Variants in LAMB1 observed in about 807,000 individuals in gnomAD.
The protein encoded by LAMB1 is laminin subunit beta-1.
Under a neutral mutation model 222.3 loss-of-function variants are expected in LAMB1, and 121 were observed. The observed-to-expected ratio is 0.54, with a 90% CI of 0.47 to 0.63. The LOEUF is 0.63. LAMB1 is among the 30% of genes least tolerant of loss of function. The pLI is 0.00. For missense variants in LAMB1, 2,172 were observed against 2,240.8 expected, an observed-to-expected ratio of 0.97 and a Z score of 0.62; for synonymous variants, 794 against 807.2, an observed-to-expected ratio of 0.98 and a Z score of 0.28.
chr7:107,951,404 G>T, intron 23 of LAMB1, 82 bp from the exon 24 acceptor site: 1 of 1,256,038 alleles, frequency 8.0e-7, no homozygotes. Flanking sequence ...CTGCCACTTA[G>T]AAGTAGGAAT....
intron 8 of LAMB1, among the ~76,000 whole-genome samples, chr7:107,979,486 G>C (rs2033931670): frequency 6.6e-6 from 1 of 152,118 alleles, no homozygotes; most frequent in African/African-American, 2.4e-5. Context: ...TTTACTTAGG[G>C]CTCTCTAGTA....
At chr7:107,929,300 C>T (rs2032646566) in intron 30 of LAMB1, 95 bp from the exon 31 acceptor site, 2 of 1,522,702 alleles carry the variant, frequency 1.3e-6, no homozygotes, top group Admixed American at 3.4e-5. Context: ...CCTGAAATGA[C>T]CCAGAGAGAC....
Position 107,955,577 on chromosome 7 carries a change from C to T in LAMB1, c.2744G>A (p.Arg915His), listed in dbSNP as rs769413525. The change falls in exon 21 of 34, where the codon CGC becomes CAC. Residue 915 changes from arginine to histidine, a missense_variant. Coordinates refer to ENST00000222399, the MANE Select transcript of LAMB1 (RefSeq NM_002291.3). ...GGGACCATCTGGGCAAGGGCAAGGG[C>T]GGCAGTGATCTCCTGACCCAATGAT... Reference protein sequence around the residue: ...DPIIGSGDHCRPCPCPDGPDS... With the variant: ...DPIIGSGDHCHPCPCPDGPDS... The T allele has an allele frequency of 1.5e-5, 25 of 1,613,912 alleles. No homozygotes were observed. The East Asian group carries it at 1.6e-4, about 10-fold the overall frequency.
chr7:107,929,698 A>C, intron 29 of LAMB1, 79 bp from the exon 30 acceptor site: 1 of 1,117,290 alleles, frequency 9.0e-7, no homozygotes, highest in Non-Finnish European at 1.3e-6. Flanking sequence ...CTGGTCATCT[A>C]CTATGGACTA....
At chr7:107,959,591 C>G (rs2033451460) in intron 19 of LAMB1, 100 bp downstream of exon 19, 1 of 1,610,962 alleles carries the variant, frequency 6.2e-7, no homozygotes, top group African/African-American at 1.3e-5. Flanking sequence ...TTGGTGTGAT[C>G]AACTTCAGGA....
chr7:107,962,559 C>T (rs887089224), intron 15 of LAMB1, among the ~76,000 whole-genome samples: 19 of 151,878 alleles, frequency 1.3e-4, no homozygotes, highest in African/African-American at 4.4e-4. Flanking sequence ...ATTAAAAATA[C>T]AAAAATTAGC....
chr7:107,927,176 T>C (rs1247180309), intron 31 of LAMB1, among the ~76,000 whole-genome samples: 1 of 152,158 alleles, frequency 6.6e-6, no homozygotes, highest in African/African-American at 2.4e-5. Context: ...AGGCTAAAAT[T>C]TGTAAATATT....
chr7:107,929,425 C>G lies in LAMB1; in HGVS notation c.4732G>C (p.Ala1578Pro). 1.2e-6 allele frequency: 2 copies of G among 1,613,922 alleles called. No homozygotes were observed. Among genetic ancestry groups the G allele is most frequent in the Non-Finnish European group, 1.7e-6 (2 of 1,179,844 alleles). Reference sequence around the variant, plus strand: ...GTCTTTAGATACCTTGCTCTTTTAGCTTCTTCTAACAACATCTCAGCTCTG... The same window carrying G: ...GTCTTTAGATACCTTGCTCTTTTAGGTTCTTCTAACAACATCTCAGCTCTG... ...IARAEMLLEE[A>P]KRASKSATDV... Residue 1578 changes from alanine to proline, a missense_variant, in exon 30 of 34, where the codon GCT becomes CCT. By Grantham distance (27) the Ala-to-Pro change is conservative. Transcript: ENST00000222399.
chr7:107,935,337 GTT>G, intron 27 of LAMB1, 76 bp downstream of exon 27: 1 of 1,450,926 alleles, frequency 6.9e-7, no homozygotes, highest in African/African-American at 2.0e-5. Flanking sequence ...AAGATGGTTT[GTT>G]TTTCTTTGTT....
At chr7:107,963,327 T>C (rs2033554206) in intron 14 of LAMB1, among the ~76,000 whole-genome samples, 1 of 152,158 alleles carries the variant, frequency 6.6e-6, no homozygotes, top group Non-Finnish European at 1.5e-5. Context: ...TTATTTGATA[T>C]GACCAGGAGA....
At chr7:107,948,546 CT>C (rs1418202211) in intron 24 of LAMB1, among the ~76,000 whole-genome samples, 1 of 152,120 alleles carries the variant, frequency 6.6e-6, no homozygotes, top group African/African-American at 2.4e-5. Context: ...TTGAAAAATA[CT>C]TTTTCTTGCT....
intron 8 of LAMB1, among the ~76,000 whole-genome samples, chr7:107,978,596 T>G (rs1226457565): frequency 6.6e-6 from 1 of 152,178 alleles, no homozygotes; most frequent in East Asian, 1.9e-4. Context: ...ATTTACCACT[T>G]AGCCAAATCA....
In LAMB1 at chr7:107,961,686, GAAAC is replaced by G; in HGVS notation, c.1858-14_1858-11del. On this transcript the variant is annotated splice_polypyrimidine_tract_variant and intron_variant, in intron 15 of 33. Coordinates refer to ENST00000222399, the MANE Select transcript of LAMB1 (RefSeq NM_002291.3). ...CCCAGTGGTCGGGTAGCTAGAATAA[GAAAC>G]AAACAATGAAAAGATAGTTAGCCCA... 5 of 1,611,348 alleles carry G rather than the reference GAAAC, an allele frequency of 3.1e-6. No individual in the cohort carries two copies. Among genetic ancestry groups the G allele is most frequent in the South Asian group, 1.1e-5 (1 of 90,988 alleles).
At chr7:107,937,559 T>G (rs1215824441) in intron 25 of LAMB1, among the ~76,000 whole-genome samples, 1 of 152,224 alleles carries the variant, frequency 6.6e-6, no homozygotes, top group Non-Finnish European at 1.5e-5. Flanking sequence ...TGCTGTAAGA[T>G]GAGCACAGGT....
chr7:107,934,717 C>T (rs2237686), intron 27 of LAMB1, among the ~76,000 whole-genome samples: 65,808 of 151,794 alleles, frequency 0.43, 14,636 homozygotes, highest in African/African-American at 0.53. Context: ...TCTAGAATGA[C>T]TCTGAATTCC....
chr7:107,952,369 A>T, intron 22 of LAMB1, 146 bp from the exon 23 acceptor site: 1 of 633,866 alleles, frequency 1.6e-6, no homozygotes, highest in Admixed American at 2.9e-5. Flanking sequence ...GTGATTCAAA[A>T]ATAAAGCTAA....
chr7:107,947,315 T>G (rs775167891), intron 24 of LAMB1, among the ~76,000 whole-genome samples: 1 of 152,282 alleles, frequency 6.6e-6, no homozygotes, highest in African/African-American at 2.4e-5. Flanking sequence ...TGTTAGCTAG[T>G]TGGCATCAGA....
At chr7:108,001,414 C>G (rs774402424) in intron 3 of LAMB1, 144 bp downstream of exon 3, 41 of 888,000 alleles carry the variant, frequency 4.6e-5, no homozygotes, top group Non-Finnish European at 6.6e-5. Flanking sequence ...AAAGGTTGAG[C>G]TACAAGCCTA....
chr7:107,943,294 A>G (rs1025974078), intron 24 of LAMB1, among the ~76,000 whole-genome samples: 1 of 152,220 alleles, frequency 6.6e-6, no homozygotes, highest in Admixed American at 6.5e-5. Flanking sequence ...ATGTATGCCA[A>G]AGTCATTTGA....
Sources: gnomAD v4.1 joint callset for allele counts (sites outside exome capture counted in the v4.1 genomes callset) on GRCh38, gnomAD v4.1.1 for gene constraint, MANE v1.5 for transcripts, NCBI Gene and HGNC (gene_info 2026-07-23, HGNC 2026-07-21) for gene names.